Variants in ZNF142 observed in about 807,000 individuals in gnomAD.
The protein encoded by ZNF142 is zinc finger protein 142.
Under a neutral mutation model 132.1 loss-of-function variants are expected in ZNF142, and 96 were observed. The observed-to-expected ratio is 0.73, with a 90% confidence interval of 0.62 to 0.86. The LOEUF (loss-of-function observed/expected upper bound fraction) is 0.86. Ranked by LOEUF, ZNF142 falls within the 40% of genes least tolerant of loss-of-function variation. ZNF142 has a pLI of 0.00. For missense variants in ZNF142, 2,163 were observed against 2,336.2 expected, an observed-to-expected ratio of 0.93 and a Z score of 1.53; for synonymous variants, 842 against 890.1, an observed-to-expected ratio of 0.95 and a Z score of 0.96.
rs1338795857 is a variant in ZNF142 at position 218,644,954 on chromosome 2, C to T, written c.2162G>A (p.Cys721Tyr). The change falls in exon 9 of 11, where the codon TGC becomes TAC. Residue 721 changes from cysteine to tyrosine, a missense_variant. Physicochemically the swap from Cys to Tyr is radical, Grantham distance 194. Around this residue, in one of 7 missense-constraint regions of ZNF142, gnomAD observed 749 missense variants for 830.3 expected, o/e 0.90. Transcript: ENST00000411696. The surrounding 1 kb of genome is among the most constrained non-coding windows in gnomAD (Gnocchi z 4.6). The part of the protein sequence containing the change: ...SLMCEVCAFA[C>Y]KRKYELQKHM... Reference sequence around the variant, plus strand: ...CTTCTGCAGCTCATACTTCCGCTTGCAGGCGAAGGCACACACCTCACACAT... The same window carrying T: ...CTTCTGCAGCTCATACTTCCGCTTGTAGGCGAAGGCACACACCTCACACAT... 6.2e-7 allele frequency: 1 copy of T among 1,614,164 alleles called. No individual in the cohort carries two copies. The highest frequency in any genetic ancestry group is 1.1e-5 in the South Asian group (1 of 91,088).
intron 4 of ZNF142, among the ~76,000 whole-genome samples, chr2:218,652,941 T>C (rs949714146): frequency 1.3e-5 from 2 of 151,084 alleles, no homozygotes; most frequent in African/African-American, 4.9e-5. Flanking sequence ...CCTACATTTA[T>C]TCTGCTGGTC....
intron 5 of ZNF142, among the ~76,000 whole-genome samples, chr2:218,651,369 A>G (rs1478894904): frequency 6.6e-6 from 1 of 152,244 alleles, no homozygotes; most frequent in Non-Finnish European, 1.5e-5. Context: ...GCATTCTATC[A>G]GTGGCCATAG....
Position 218,633,547 on chromosome 2 carries a change from C to T in ZNF142, c.*4792G>A. On this transcript the variant is annotated 3_prime_UTR_variant, in exon 11 of 11. Transcript: ENST00000411696. ...GAGGTTTAGGTTGGATGGCCATTAT[C>T]TTCTTCTCTCTCAGACTGCTGAGGG... 1 of 1,567,412 alleles carries T rather than the reference C, an allele frequency of 6.4e-7. No individual in the cohort carries two copies. Among genetic ancestry groups the T allele is most frequent in the Middle Eastern group, 1.7e-4 (1 of 5,944 alleles).
In ZNF142 at chr2:218,651,984, G is replaced by T; in HGVS notation, c.597C>A (p.Gly199=). ...TGCGATCTTCAGCAGAGAACACACAGCCAGATTCTGGGCAGGAGAAGGTGT... is the reference window on the plus strand; with the variant it reads ...TGCGATCTTCAGCAGAGAACACACATCCAGATTCTGGGCAGGAGAAGGTGT... ...TPDTFSCPES[G]CVFSAEDRKG... Residue 199 remains glycine (G), a synonymous_variant, in exon 5 of 11, where the codon GGC becomes GGA. Transcript: ENST00000411696. The T allele has an allele frequency of 2.6e-6, 2 of 783,198 alleles. No homozygotes were observed. The highest frequency in any genetic ancestry group is 3.8e-6 in the Non-Finnish European group (2 of 525,822). The allele number at this position is 783,198 out of a possible 1,614,324, so 48.5% of individuals were successfully genotyped here.
chr2:218,639,881 C>T (rs1490922280), intron 10 of ZNF142, among the ~76,000 whole-genome samples: 1 of 149,800 alleles, frequency 6.7e-6, no homozygotes, highest in Non-Finnish European at 1.5e-5. Flanking sequence ...CGGTGAAACC[C>T]CCATCTCTAC....
intron 7 of ZNF142, among the ~76,000 whole-genome samples, chr2:218,647,324 G>A (rs919013912): frequency 6.7e-6 from 1 of 149,734 alleles, no homozygotes; most frequent in African/African-American, 2.4e-5. Context: ...TCGGGAGGCT[G>A]AGGCAGGAGA....
At position 218,635,018 on chromosome 2, in the gene ZNF142, T is replaced by C. The variant is rs1377849569; in HGVS notation, c.*3321A>G. Among the ~76,000 whole-genome samples the C allele has an allele frequency of 1.3e-5, 2 of 152,162 alleles. No homozygotes were observed. Among genetic ancestry groups the C allele is most frequent in the Non-Finnish European group, 2.9e-5 (2 of 68,012 alleles). On this transcript the variant is annotated 3_prime_UTR_variant, in exon 11 of 11. Transcript: ENST00000411696. The stretch of plus-strand genomic sequence containing the variant: ...GCTTTGGAGGCCAAGGCAGGAGGAC[T>C]GCTTGAGCCCAGGAGTTTGAGACCA...
intron 7 of ZNF142, among the ~76,000 whole-genome samples, chr2:218,648,336 T>A (rs991616700): frequency 5.3e-5 from 8 of 152,208 alleles, no homozygotes; most frequent in African/African-American, 1.9e-4. Flanking sequence ...TCAGGCTTGG[T>A]GTTAACCCAC....
At chr2:218,651,596 T>A (rs908289401) in intron 5 of ZNF142, 105 bp downstream of exon 5, 1 of 1,168,628 alleles carries the variant, frequency 8.6e-7, no homozygotes, top group Non-Finnish European at 1.1e-6. Context: ...GTCTAGATTC[T>A]CTTATATTCA....
intron 7 of ZNF142, 54 bp from the exon 8 acceptor site, chr2:218,646,402 G>A (rs1697736616): frequency 1.3e-6 from 2 of 1,588,390 alleles, no homozygotes; most frequent in Non-Finnish European, 1.7e-6. Flanking sequence ...TACAGATCAA[G>A]TGGACAGACC....
chr2:218,647,924 G>A (rs1697884839), intron 7 of ZNF142, among the ~76,000 whole-genome samples: 1 of 152,204 alleles, frequency 6.6e-6, no homozygotes, highest in Non-Finnish European at 1.5e-5. Context: ...AGAAACATGA[G>A]ATTTTGTGAC....
At position 218,642,050 on chromosome 2, in the gene ZNF142, C is replaced by T. The variant is rs1697239131; in HGVS notation, c.5066G>A (p.Cys1689Tyr). 1 of 1,614,004 alleles carries T rather than the reference C, an allele frequency of 6.2e-7. No individual in the cohort carries two copies. ...PYHCHLCPYA[C>Y]ADPSRLKYHM... ...TACCTTGAGACGAGAGGGATCAGCA[C>T]AGGCATAGGGGCAGAGGTGACAGTG... The change falls in exon 9 of 11, where the codon TGT becomes TAT. Residue 1689 changes from cysteine (C) to tyrosine (Y), a missense_variant. Cys to Tyr is a radical substitution (Grantham distance 194). This residue lies in a region of ZNF142 where 325 missense variants were observed against 367.8 expected (regional missense o/e 0.88). Transcript: ENST00000411696. The surrounding 1 kb of genome is among the most constrained non-coding windows in gnomAD (Gnocchi z 4.6).
At chr2:218,656,062 CTCA>C in intron 4 of ZNF142, 85 bp downstream of exon 4, 3 of 1,388,872 alleles carry the variant, frequency 2.2e-6, no homozygotes, top group Non-Finnish European at 2.9e-6. Context: ...ACCTTGTGTT[CTCA>C]TCATATTTAT....
Position 218,638,528 on chromosome 2 carries a change from G to A in ZNF142, c.5475C>T (p.Leu1825=). ...HTDRHPFFCR[L]CNYKAKQKFQ... is the part of the protein sequence containing the mutation. ...ACTTTTGCTTGGCCTTGTAGTTGCA[G>A]AGGCGGCAAAAGAAGGGGTGGCGGT... The change falls in exon 11 of 11, where the codon CTC becomes CTT. Residue 1825 remains leucine (L), a synonymous_variant. Coordinates refer to ENST00000411696, the MANE Select transcript of ZNF142 (RefSeq NM_001379659.1). 1.2e-6 allele frequency: 2 copies of A among 1,610,204 alleles called. No homozygotes were observed. The highest frequency in any genetic ancestry group is 8.5e-7 in the Non-Finnish European group (1 of 1,177,156).
rs763840714 is a variant in ZNF142 at position 218,636,250 on chromosome 2, T to C, written c.*2089A>G. 3.1e-6 allele frequency: 5 copies of C among 1,613,996 alleles called. No homozygotes were observed. In the East Asian group the frequency reaches 8.9e-5, roughly 29 times the overall value. ...TTCTGTCCACCAACTCAGGTTTTAATCCATACTGGGGGCAGACACTATGTT... is the reference window on the plus strand; with the variant it reads ...TTCTGTCCACCAACTCAGGTTTTAACCCATACTGGGGGCAGACACTATGTT... On this transcript the variant is annotated 3_prime_UTR_variant, in exon 11 of 11. Transcript: ENST00000411696.
chr2:218,639,969 T>A (rs549177015), intron 10 of ZNF142, among the ~76,000 whole-genome samples: 1 of 128,310 alleles, frequency 7.8e-6, no homozygotes, highest in East Asian at 2.6e-4. Context: ...GGCAGGAGAA[T>A]GGTGTGAACC....
At position 218,634,204 on chromosome 2, in the gene ZNF142, A is replaced by T. The variant is rs1408141251; in HGVS notation, c.*4135T>A. On this transcript the variant is annotated 3_prime_UTR_variant, in exon 11 of 11. Transcript: ENST00000411696. The surrounding 1 kb of genome is among the most constrained non-coding windows in gnomAD (Gnocchi z 4.0). Reference sequence around the variant, plus strand: ...AACTACAACCCCCAGGAACTCTGGAATGCAGGCTGCCAGATGGGTGAGGAG... The same window carrying T: ...AACTACAACCCCCAGGAACTCTGGATTGCAGGCTGCCAGATGGGTGAGGAG... 6.2e-7 allele frequency: 1 copy of T among 1,611,082 alleles called. No individual in the cohort carries two copies. Among genetic ancestry groups the T allele is most frequent in the Admixed American group, 1.7e-5 (1 of 59,464 alleles).
chr2:218,651,995 G>T lies in ZNF142; in HGVS notation c.586C>A (p.Pro196Thr). Residue 196 changes from proline (P) to threonine (T), a missense_variant, in exon 5 of 11, where the codon CCA becomes ACA. Around this residue, in one of 7 missense-constraint regions of ZNF142, gnomAD observed 195 missense variants for 172.4 expected, o/e 1.13. Coordinates refer to ENST00000411696, the MANE Select transcript of ZNF142 (RefSeq NM_001379659.1). The part of the protein sequence containing the change: ...HRGTPDTFSC[P>T]ESGCVFSAED... ...GCAGAGAACACACAGCCAGATTCTGGGCAGGAGAAGGTGTCAGGAGTGCCC... is the reference window on the plus strand; with the variant it reads ...GCAGAGAACACACAGCCAGATTCTGTGCAGGAGAAGGTGTCAGGAGTGCCC... 1 of 718,836 alleles carries T rather than the reference G, an allele frequency of 1.4e-6. No individual in the cohort carries two copies. Among genetic ancestry groups the T allele is most frequent in the Non-Finnish European group, 2.1e-6 (1 of 466,978 alleles). The allele number at this position is 718,836 out of a possible 1,614,324, so 44.5% of individuals were successfully genotyped here. A position where few individuals can be genotyped will look rare whatever the true frequency, so the allele number is the denominator to read the frequency against.
At chr2:218,658,442 G>A (rs981231790) in intron 3 of ZNF142, among the ~76,000 whole-genome samples, 1 of 152,174 alleles carries the variant, frequency 6.6e-6, no homozygotes, top group Non-Finnish European at 1.5e-5. Flanking sequence ...TCGGGAGGCT[G>A]AGGCAGGAGA....
Sources: gnomAD v4.1 joint callset for allele counts (sites outside exome capture counted in the v4.1 genomes callset) on GRCh38, gnomAD v4.1.1 for gene constraint, gnomAD v4.1.1 regional missense constraint, Gnocchi (gnomAD v3.1) non-coding constraint, MANE v1.5 for transcripts, NCBI Gene and HGNC (gene_info 2026-07-23, HGNC 2026-07-21) for gene names.